RBFOX3: variants seen among roughly 807,000 people sequenced by gnomAD.
RBFOX3 encodes the protein RNA binding fox-1 homolog 3, also known as RNA binding protein fox-1 homolog 3.
RBFOX3 carries 17 observed loss-of-function variants against 48.7 expected under a neutral mutation model. The ratio of observed to expected loss-of-function variants is 0.35; its 90% confidence interval spans 0.24 to 0.52. The LOEUF (loss-of-function observed/expected upper bound fraction) is 0.52, where lower values mean the gene tolerates loss of function less well. Ranked by LOEUF, RBFOX3 falls within the 20% of genes least tolerant of loss-of-function variation. The pLI is 0.94. For missense variants in RBFOX3, 382 were observed against 497.5 expected (o/e 0.77, Z 2.21); for synonymous variants, 212 against 209.5 (o/e 1.01, Z -0.10).
intron 1 of RBFOX3, among the ~76,000 whole-genome samples, chr17:79,517,375 G>C (rs1241408743): frequency 1.3e-5 from 2 of 151,176 alleles, no homozygotes; most frequent in Non-Finnish European, 2.9e-5. Context: ...AACCCAGGGG[G>C]CGGAGGTTGC....
At chr17:79,219,989 C>T (rs1428232519) in intron 4 of RBFOX3, among the ~76,000 whole-genome samples, 3 of 151,240 alleles carry the variant, frequency 2.0e-5, no homozygotes, top group Non-Finnish European at 2.9e-5. Context: ...ACAGTCTGGC[C>T]GACAGCCAGC....
the RBFOX3 span, among the ~76,000 whole-genome samples, chr17:79,634,356 C>A: frequency 2.6e-5 from 4 of 152,246 alleles, no homozygotes; most frequent in Non-Finnish European, 5.9e-5. Context: ...TCCACCCACA[C>A]CCTCTATTCC....
At chr17:79,664,854 A>C in the RBFOX3 span, among the ~76,000 whole-genome samples, 2 of 152,240 alleles carry the variant, frequency 1.3e-5, no homozygotes, top group Non-Finnish European at 2.9e-5. Context: ...GTGGAATCAC[A>C]CAGGATTTGT....
intron 4 of RBFOX3, among the ~76,000 whole-genome samples, chr17:79,170,645 C>A (rs2049084703): frequency 6.6e-6 from 1 of 152,136 alleles, no homozygotes; most frequent in African/African-American, 2.4e-5. Flanking sequence ...CCACCCCTCT[C>A]TGTCCCTACT....
intron 4 of RBFOX3, among the ~76,000 whole-genome samples, chr17:79,172,612 C>A (rs1021380290): frequency 2.6e-5 from 4 of 152,186 alleles, no homozygotes; most frequent in African/African-American, 9.6e-5. Context: ...ACTGCAGGAC[C>A]AGAGGGAGTA....
chr17:79,411,283 C>A (rs2064294784), intron 2 of RBFOX3, among the ~76,000 whole-genome samples: 1 of 152,122 alleles, frequency 6.6e-6, no homozygotes, highest in African/African-American at 2.4e-5. Flanking sequence ...GGGGTGGGGG[C>A]ACCTCATGGC....
chr17:79,140,506 C>T (rs1330755791), intron 4 of RBFOX3, among the ~76,000 whole-genome samples: 2 of 152,382 alleles, frequency 1.3e-5, no homozygotes, highest in South Asian at 2.1e-4. Flanking sequence ...CCGGCACCCA[C>T]ATTAGCTGTA....
intron 1 of RBFOX3, among the ~76,000 whole-genome samples, chr17:79,567,619 A>G (rs1027854806): frequency 1.3e-5 from 2 of 152,232 alleles, no homozygotes; most frequent in Non-Finnish European, 2.9e-5. Context: ...ATTGCTTTGT[A>G]TCCCATAAAT....
chr17:79,159,371 G>C (rs2612783), intron 4 of RBFOX3, among the ~76,000 whole-genome samples: 91,407 of 151,984 alleles, frequency 0.6, 30,761 homozygotes, highest in Non-Finnish European at 0.75. Context: ...GCCTGCCTGC[G>C]GCCCTGGCTC....
intron 2 of RBFOX3, among the ~76,000 whole-genome samples, chr17:79,444,955 A>T (rs1337868146): frequency 6.6e-6 from 1 of 152,142 alleles, no homozygotes; most frequent in Non-Finnish European, 1.5e-5. Context: ...AACCACAGGC[A>T]ACCACAGATT....
At chr17:79,350,350 AT>A in intron 2 of RBFOX3, among the ~76,000 whole-genome samples, 1 of 152,314 alleles carries the variant, frequency 6.6e-6, no homozygotes, top group Admixed American at 6.5e-5. Flanking sequence ...GATTCTTGGT[AT>A]TAAATGCTCT....
In RBFOX3 at chr17:79,242,508, T is replaced by C. The variant is rs2062537491; in HGVS notation, c.-73-6703A>G. On this transcript the variant is annotated intron_variant, in intron 3 of 14. Transcript: ENST00000693108. The surrounding 1 kb of genome is among the most constrained non-coding windows in gnomAD (Gnocchi z 5.8). ...CTATTTAATGTGATGTTTTCCTCCT[T>C]CTTCTGAATAGAAATTTGCCTTTAG... 6.6e-6 allele frequency among the ~76,000 whole-genome samples: 1 copy of C among 152,026 alleles called. No individual in the cohort carries two copies. Among genetic ancestry groups the C allele is most frequent in the Non-Finnish European group, 1.5e-5 (1 of 68,016 alleles).
At chr17:79,569,158 G>A (rs2092574749) in intron 1 of RBFOX3, among the ~76,000 whole-genome samples, 1 of 150,962 alleles carries the variant, frequency 6.6e-6, no homozygotes, top group Non-Finnish European at 1.5e-5. Flanking sequence ...CATATCAAAT[G>A]TTGTGCACCC....
the RBFOX3 span, among the ~76,000 whole-genome samples, chr17:79,648,901 T>C: frequency 6.6e-6 from 1 of 152,068 alleles, no homozygotes; most frequent in Middle Eastern, 3.2e-3. Flanking sequence ...CACAGCCACC[T>C]GTGGTGTTAC....
chr17:79,265,068 C>G (rs1028116277), intron 3 of RBFOX3, among the ~76,000 whole-genome samples: 1 of 152,208 alleles, frequency 6.6e-6, no homozygotes, highest in Non-Finnish European at 1.5e-5. Context: ...CACCACCTCC[C>G]CTGCCAGATG....
chr17:79,483,088 C>T (rs2078998639), intron 1 of RBFOX3, among the ~76,000 whole-genome samples: 1 of 152,132 alleles, frequency 6.6e-6, no homozygotes, highest in South Asian at 2.1e-4. Context: ...GATCTGGTGA[C>T]ACAGCCTTCC....
chr17:79,242,550 G>A lies in RBFOX3; in HGVS notation c.-73-6745C>T, dbSNP rs1458857117. 2.6e-5 allele frequency among the ~76,000 whole-genome samples: 4 copies of A among 151,944 alleles called. No homozygotes were observed. The highest frequency in any genetic ancestry group is 2.9e-5 in the Non-Finnish European group (2 of 68,002). ...TGCCTTTAGAGAGGAAAGGAGGGGA[G>A]AGAAGAGGAGAGGGGAGGGAAGGGG... is the stretch of plus-strand genomic sequence containing the variant. On this transcript the variant is annotated intron_variant, in intron 3 of 14. Transcript: ENST00000693108. This position sits in a 1 kb window ranked among gnomAD's most constrained non-coding sequence, Gnocchi z 5.8.
chr17:79,581,875 G>C (rs1397151331), intron 1 of RBFOX3, among the ~76,000 whole-genome samples: 1 of 152,272 alleles, frequency 6.6e-6, no homozygotes, highest in Non-Finnish European at 1.5e-5. Flanking sequence ...AGGGAATCGT[G>C]TTAGCCCAGA....
chr17:79,457,659 A>G (rs2074740484), intron 2 of RBFOX3, among the ~76,000 whole-genome samples: 1 of 152,146 alleles, frequency 6.6e-6, no homozygotes. Context: ...GCTCCCAAAG[A>G]GATGCAGAGA....
Sources: gnomAD v4.1 joint callset for allele counts (sites outside exome capture counted in the v4.1 genomes callset) on GRCh38, gnomAD v4.1.1 for gene constraint, Gnocchi (gnomAD v3.1) non-coding constraint, MANE v1.5 for transcripts, NCBI Gene and HGNC (gene_info 2026-07-23, HGNC 2026-07-21) for gene names.